The following ARHGAP28 variants were observed in gnomAD, a reference collection of about 807,000 sequenced individuals.
ARHGAP28 encodes the protein rho GTPase-activating protein 28.
ARHGAP28 carries 56 observed loss-of-function variants against 90.7 expected under a neutral mutation model. The observed-to-expected ratio is 0.62, with a 90% CI of 0.50 to 0.77. ARHGAP28 has a LOEUF of 0.77. Ranked by LOEUF, ARHGAP28 falls within the 30% of genes least tolerant of loss-of-function variation. The pLI is 0.00. For missense variants in ARHGAP28, 869 were observed against 900.9 expected (o/e 0.96, Z 0.45); for synonymous variants, 308 against 323.3 (o/e 0.95, Z 0.51).
chr18:6,885,799 G>GTT (rs1466172939), intron 11 of ARHGAP28, among the ~76,000 whole-genome samples: 7 of 92,252 alleles, frequency 7.6e-5, no homozygotes, highest in African/African-American at 2.7e-4. Context: ...CTTCCCCAGA[G>GTT]TTGTTTTTTT....
chr18:6,877,956 GTGTGTGTGTGTGTATGTGCA>G (rs929726524), intron 10 of ARHGAP28, among the ~76,000 whole-genome samples: 2 of 151,202 alleles, frequency 1.3e-5, no homozygotes, highest in African/African-American at 4.8e-5. Context: ...GTTCCTCTGT[GTGTGTGTGTGTGTATGTGCA>G]TGTGTGTGTG....
chr18:6,868,065 A>G (rs2057051615), intron 5 of ARHGAP28, 85 bp from the exon 6 acceptor site: 3 of 1,094,476 alleles, frequency 2.7e-6, no homozygotes, highest in Non-Finnish European at 4.2e-6. Context: ...ACTCTTGTAT[A>G]CTGCAGAACA....
rs1224959073 is a variant in ARHGAP28 at position 6,837,229 on chromosome 18, G to A, written c.358G>A (p.Val120Met). Residue 120 changes from valine (V) to methionine (M), a missense_variant, in exon 3 of 18, where the codon GTG (valine) becomes ATG (methionine). Physicochemically the swap from Val to Met is conservative, Grantham distance 21. Transcript: ENST00000383472. Reference protein sequence around the residue: ...GELEAEWLQDVGLSTLISGDE... With the variant: ...GELEAEWLQDMGLSTLISGDE... ...ACTTGAAGCAGAATGGCTGCAAGAT[G>A]TGGGTTTATCAACTCTGATCTCAGG... The A allele has an allele frequency of 6.4e-7, 1 of 1,571,082 alleles. No individual in the cohort carries two copies. Among genetic ancestry groups the A allele is most frequent in the Non-Finnish European group, 8.6e-7 (1 of 1,160,980 alleles).
intron 1 of ARHGAP28, among the ~76,000 whole-genome samples, chr18:6,784,140 A>C (rs1347701816): frequency 6.6e-6 from 1 of 152,128 alleles, no homozygotes; most frequent in Non-Finnish European, 1.5e-5. Flanking sequence ...CCGGGAGCCC[A>C]GTCAAATCCA....
In ARHGAP28 at chr18:6,888,505, A is replaced by AT. The variant is rs534795559; in HGVS notation, c.1536+1268dup. Among the ~76,000 whole-genome samples, 953 of 152,294 alleles carry AT rather than the reference A, an allele frequency of 6.3e-3. 8 individuals are homozygous for AT. Among genetic ancestry groups the AT allele is most frequent in the African/African-American group, 0.021 (886 of 41,556 alleles). On this transcript the variant is annotated intron_variant, in intron 12 of 17. Transcript: ENST00000383472. ...GTCAATTATAATATATGTCGGTCAT[A>AT]TTAGATGTATCCTTGAGGCAAGGAC...
intron 1 of ARHGAP28, among the ~76,000 whole-genome samples, chr18:6,753,739 G>A (rs12326891): frequency 0.26 from 39,105 of 152,072 alleles, 5,764 homozygotes; most frequent in South Asian, 0.33. Context: ...TTCCAGAGGC[G>A]TAGCTACTGT....
At chr18:6,761,816 C>A (rs552364536) in intron 1 of ARHGAP28, among the ~76,000 whole-genome samples, 96 of 152,282 alleles carry the variant, frequency 6.3e-4, no homozygotes, top group African/African-American at 2.2e-3. Flanking sequence ...AGCTGTGAAC[C>A]TTTGGCCAAG....
intron 1 of ARHGAP28, among the ~76,000 whole-genome samples, chr18:6,798,360 A>AT (rs2056457527): frequency 6.6e-6 from 1 of 151,924 alleles, no homozygotes; most frequent in Non-Finnish European, 1.5e-5. Context: ...TGCCCGGCTA[A>AT]TTTTTGTATT....
intron 11 of ARHGAP28, among the ~76,000 whole-genome samples, chr18:6,885,985 G>A (rs181205810): frequency 1.2e-3 from 176 of 152,082 alleles, no homozygotes; most frequent in African/African-American, 3.9e-3. Flanking sequence ...TCCTGGACCT[G>A]CGTCATTATA....
intron 1 of ARHGAP28, chr18:6,791,565 CTTGG>C (rs2056406501): frequency 6.6e-6 from 1 of 152,168 alleles, no homozygotes; most frequent in South Asian, 2.1e-4. Flanking sequence ...GAAGGAGTCA[CTTGG>C]TTGGTCTGAT....
intron 1 of ARHGAP28, among the ~76,000 whole-genome samples, chr18:6,782,027 A>T (rs940384489): frequency 6.6e-6 from 1 of 152,084 alleles, no homozygotes; most frequent in Non-Finnish European, 1.5e-5. Flanking sequence ...ACAAGCTATC[A>T]TATTATCCTG....
intron 3 of ARHGAP28, among the ~76,000 whole-genome samples, chr18:6,850,552 A>G (rs773355896): frequency 2.1e-4 from 32 of 152,196 alleles, no homozygotes; most frequent in Non-Finnish European, 4.4e-4. Context: ...AATTGTTAAT[A>G]CCTACAGGAT....
intron 3 of ARHGAP28, among the ~76,000 whole-genome samples, chr18:6,839,407 C>T (rs554228454): frequency 2.6e-5 from 4 of 152,010 alleles, no homozygotes; most frequent in Non-Finnish European, 4.4e-5. Context: ...CATTCTCCCC[C>T]CTCAGCCTCC....
chr18:6,739,742 T>C (rs1445702390), intron 1 of ARHGAP28, among the ~76,000 whole-genome samples: 2 of 151,906 alleles, frequency 1.3e-5, no homozygotes, highest in East Asian at 1.9e-4. Flanking sequence ...CTAGATCTTA[T>C]AATTTTTCAC....
At chr18:6,861,362 T>G (rs920473305) in intron 5 of ARHGAP28, among the ~76,000 whole-genome samples, 1 of 152,246 alleles carries the variant, frequency 6.6e-6, no homozygotes, top group Non-Finnish European at 1.5e-5. Flanking sequence ...TCTTCTGTAC[T>G]GCTGAAGTAG....
chr18:6,883,456 C>T (rs1018104606), intron 11 of ARHGAP28, among the ~76,000 whole-genome samples: 1 of 152,030 alleles, frequency 6.6e-6, no homozygotes, highest in Non-Finnish European at 1.5e-5. Flanking sequence ...CCAGGCTGGT[C>T]TCAAACTCCT....
intron 1 of ARHGAP28, among the ~76,000 whole-genome samples, chr18:6,731,136 AT>A (rs5822921): frequency 0.27 from 40,430 of 151,888 alleles, 6,160 homozygotes; most frequent in South Asian, 0.33. Context: ...GGAAAATCAC[AT>A]TTTTTTTCCA....
intron 10 of ARHGAP28, among the ~76,000 whole-genome samples, chr18:6,881,929 T>C (rs183985983): frequency 3.6e-4 from 55 of 152,350 alleles, no homozygotes; most frequent in Middle Eastern, 3.4e-3. Context: ...ATCAACATTA[T>C]TTTTTAAATA....
intron 1 of ARHGAP28, among the ~76,000 whole-genome samples, chr18:6,780,538 C>G (rs1253815362): frequency 2.0e-5 from 3 of 151,954 alleles, no homozygotes; most frequent in African/African-American, 7.3e-5. Flanking sequence ...AACCAATCCC[C>G]CTCAGATGCT....
Sources: gnomAD v4.1 joint callset for allele counts (sites outside exome capture counted in the v4.1 genomes callset) on GRCh38, gnomAD v4.1.1 for gene constraint, MANE v1.5 for transcripts, NCBI Gene and HGNC (gene_info 2026-07-23, HGNC 2026-07-21) for gene names.